The following EIF4G1 variants were observed in gnomAD, a reference collection of about 807,000 sequenced individuals.
EIF4G1 encodes eukaryotic translation initiation factor 4 gamma 1.
In EIF4G1, 4 loss-of-function variants were observed where a neutral mutation model predicts 187.8. That is an observed-to-expected ratio of 0.02 (90% confidence interval 0.01 to 0.05). The LOEUF (loss-of-function observed/expected upper bound fraction) is 0.05. EIF4G1 is among the 10% of genes least tolerant of loss of function. The pLI is 1.00. For missense variants in EIF4G1, 1,647 were observed against 2,081.1 expected (o/e 0.79, Z 4.06); for synonymous variants, 844 against 781.4 (o/e 1.08, Z -1.34).
chr3:184,333,177 G>A (rs1434177130), intron 32 of EIF4G1, among the ~76,000 whole-genome samples: 1 of 152,128 alleles, frequency 6.6e-6, no homozygotes, highest in Non-Finnish European at 1.5e-5. Flanking sequence ...TAGAAGTCAT[G>A]GATGACTCCC....
intron 10 of EIF4G1, 113 bp downstream of exon 10, chr3:184,322,216 G>A: frequency 6.4e-7 from 1 of 1,558,478 alleles, no homozygotes; most frequent in Non-Finnish European, 8.8e-7. Flanking sequence ...TGGAATCTAA[G>A]AACTAGATTA....
At position 184,327,362 on chromosome 3, in the gene EIF4G1, A is replaced by G; in HGVS notation, c.3575A>G (p.Glu1192Gly). 6.2e-7 allele frequency: 1 copy of G among 1,613,616 alleles called. No individual in the cohort carries two copies. The highest frequency in any genetic ancestry group is 8.5e-7 in the Non-Finnish European group (1 of 1,180,028). ...CGGAGCTTCAGCAAGGAAGTGGAGG[A>G]GCGGAGTAGAGAACGGCCCTCCCAG... ...TKRSFSKEVE[E>G]RSRERPSQPE... The change falls in exon 24 of 33, where the codon GAG becomes GGG. Residue 1192 changes from glutamate to glycine, a missense_variant. Glu to Gly is a moderately conservative substitution (Grantham distance 98, BLOSUM62 -2). Around this residue, in one of 11 missense-constraint regions of EIF4G1, gnomAD observed 543 missense variants for 638.0 expected, o/e 0.85. Transcript: ENST00000346169.
At chr3:184,330,684 A>C (rs1725884494) in intron 28 of EIF4G1, among the ~76,000 whole-genome samples, 3 of 151,836 alleles carry the variant, frequency 2.0e-5, no homozygotes, top group Non-Finnish European at 4.4e-5. Flanking sequence ...CCCTTACATC[A>C]TTTTTCCTAC....
chr3:184,321,198 G>A (rs1260394570), intron 9 of EIF4G1, 84 bp from the exon 10 acceptor site: 1 of 1,580,376 alleles, frequency 6.3e-7, no homozygotes, highest in Non-Finnish European at 8.7e-7. Flanking sequence ...ATTAAGTTGG[G>A]AATGCCTGGG....
intron 6 of EIF4G1, among the ~76,000 whole-genome samples, chr3:184,318,925 A>G (rs984904823): frequency 2.6e-5 from 4 of 152,040 alleles, no homozygotes; most frequent in African/African-American, 9.7e-5. Context: ...TAAAAATACA[A>G]AAATTAGGCC....
chr3:184,319,453 G>GTGTGTGTGTGTGTT (rs60445553), intron 6 of EIF4G1, among the ~76,000 whole-genome samples: 20 of 74,618 alleles, frequency 2.7e-4, no homozygotes, highest in Non-Finnish European at 4.2e-4. Context: ...GTGTGTGTGT[G>GTGTGTGTGTGTGTT]TGTGTGTGTG....
chr3:184,329,049 G>A, intron 28 of EIF4G1, 59 bp downstream of exon 28: 1 of 1,596,108 alleles, frequency 6.3e-7, no homozygotes, highest in Non-Finnish European at 8.6e-7. Flanking sequence ...GCTGTTTGCT[G>A]TGGCCCTGAA....
rs1726853873 is a variant in EIF4G1 at position 184,334,961 on chromosome 3, T to C, written c.*53T>C. ...CCCATGGACACACAGATGGCCCGGC[T>C]AGCCGCCTGGACTGCAGGGGGGCGG... is the stretch of plus-strand genomic sequence containing the variant. On this transcript the variant is annotated 3_prime_UTR_variant, in exon 33 of 33. Transcript: ENST00000346169. This position sits in a 1 kb window ranked among gnomAD's most constrained non-coding sequence, Gnocchi z 5.8. 1 of 1,609,114 alleles carries C rather than the reference T, an allele frequency of 6.2e-7. No homozygotes were observed.
chr3:184,316,050 TCTG>T, intron 3 of EIF4G1, 79 bp from the exon 4 acceptor site: 4 of 1,588,156 alleles, frequency 2.5e-6, no homozygotes, highest in Non-Finnish European at 8.6e-7. Context: ...TTGCCGCAGA[TCTG>T]CTCCCCTTAT....
In EIF4G1 at chr3:184,321,004, C is replaced by A. The variant is rs200514504; in HGVS notation, c.697+11C>A. ...TCATTGTCCGGCCAGGTAAGTAAGC[C>A]GGTGGGACGGAGCTTTTATGGGGAA... On this transcript the variant is annotated intron_variant, in intron 9 of 32. Transcript: ENST00000346169. The A allele has an allele frequency of 6.7e-4, 1,085 of 1,613,114 alleles. 2 individuals are homozygous for A. The highest frequency in any genetic ancestry group is 8.2e-4 in the Non-Finnish European group (962 of 1,179,850).
chr3:184,334,812 C>A lies in EIF4G1; in HGVS notation c.4704C>A (p.Asp1568Glu). The A allele has an allele frequency of 1.2e-6, 2 of 1,614,194 alleles. No homozygotes were observed. The highest frequency in any genetic ancestry group is 1.7e-6 in the Non-Finnish European group (2 of 1,180,026). ...DAFYSWESSK[D>E]PAEQQGKGVA... ...TCTACAGTTGGGAGAGTAGCAAGGA[C>A]CCCGCTGAGCAGCAGGGCAAGGGTG... Residue 1568 changes from aspartate (D) to glutamate (E), a missense_variant, in exon 33 of 33, where the codon GAC (aspartate) becomes GAA (glutamate). Around this residue, in one of 11 missense-constraint regions of EIF4G1, gnomAD observed 543 missense variants for 638.0 expected, o/e 0.85. Coordinates refer to ENST00000346169, the MANE Select transcript of EIF4G1 (RefSeq NM_198241.3). The surrounding 1 kb of genome is among the most constrained non-coding windows in gnomAD (Gnocchi z 5.8).
Position 184,326,861 on chromosome 3 carries a change from C to G in EIF4G1, c.3326-20C>G, listed in dbSNP as rs376947225. On this transcript the variant is annotated intron_variant, in intron 22 of 32. Transcript: ENST00000346169. ...AGGAAAGGAGAAAAAGATTTTAATA[C>G]GGATTTTCTGCATCCCCAGCATCAG... 2.5e-6 allele frequency: 4 copies of G among 1,613,452 alleles called. No homozygotes were observed. Among genetic ancestry groups the G allele is most frequent in the Admixed American group, 3.3e-5 (2 of 60,010 alleles).
rs912461425 is a variant in EIF4G1, at chr3:184,316,160, C to T, written c.89C>T (p.Pro30Leu). 2 of 1,614,040 alleles carry T rather than the reference C, an allele frequency of 1.2e-6. No individual in the cohort carries two copies. Among genetic ancestry groups the T allele is most frequent in the African/African-American group, 1.3e-5 (1 of 74,922 alleles). Residue 30 changes from proline to leucine, a missense_variant, in exon 4 of 33, where the codon CCG (proline) becomes CTG (leucine). Physicochemically the swap from Pro to Leu is moderately conservative, Grantham distance 98. Transcript: ENST00000346169. ...QPAFPPGQTA[P>L]VVFSTPQATQ... is the part of the protein sequence containing the mutation. ...GCGTTTCCCCCGGGGCAGACAGCGCCGGTGGTGTTCAGTACGCCACAAGCG... is the reference window on the plus strand; with the variant it reads ...GCGTTTCCCCCGGGGCAGACAGCGCTGGTGGTGTTCAGTACGCCACAAGCG...
chr3:184,332,198 A>G (rs1200017830), intron 32 of EIF4G1, 112 bp downstream of exon 32: 12 of 1,395,696 alleles, frequency 8.6e-6, no homozygotes, highest in Non-Finnish European at 1.2e-5. Flanking sequence ...GTCATTAGAG[A>G]GCAAAATGCC....
chr3:184,322,155 T>G (rs781440470), intron 10 of EIF4G1, 52 bp downstream of exon 10: 5 of 1,612,748 alleles, frequency 3.1e-6, no homozygotes, highest in Non-Finnish European at 4.2e-6. Context: ...ATATCGTTCC[T>G]TGCCCTCCTT....
Position 184,328,697 on chromosome 3 carries a change from A to G in EIF4G1, c.4020A>G (p.Leu1340=), listed in dbSNP as rs1725447138. 1 of 1,614,136 alleles carries G rather than the reference A, an allele frequency of 6.2e-7. No individual in the cohort carries two copies. Among genetic ancestry groups the G allele is most frequent in the South Asian group, 1.1e-5 (1 of 91,086 alleles). Residue 1340 remains leucine, a synonymous_variant, in exon 27 of 33, where the codon CTA becomes CTG. Transcript: ENST00000346169. ...ACATCCCCCACGTGTGGCTCTACCT[A>G]GCGGAACTGGTAACACCCATTCTGC... ...EIDIPHVWLY[L]AELVTPILQE...
rs370699912 is a variant in EIF4G1, at chr3:184,329,149, C to T, written c.4161+159C>T. On this transcript the variant is annotated intron_variant, in intron 28 of 32. Transcript: ENST00000346169. Reference sequence around the variant, plus strand: ...GGAAATACTGAGGTGGGCCATCTCCCGCACACCAGTTCCTATCATGAGTTC... The same window carrying T: ...GGAAATACTGAGGTGGGCCATCTCCTGCACACCAGTTCCTATCATGAGTTC... 4.8e-5 allele frequency: 39 copies of T among 814,274 alleles called. No homozygotes were observed. In the East Asian group the frequency reaches 6.2e-4, roughly 13 times the overall value. 50.4% of individuals were successfully genotyped at this position (814,274 alleles called of 1,614,324 possible).
At chr3:184,318,351 C>T (rs998340533) in intron 6 of EIF4G1, among the ~76,000 whole-genome samples, 1 of 152,170 alleles carries the variant, frequency 6.6e-6, no homozygotes, top group Non-Finnish European at 1.5e-5. Flanking sequence ...AAAGAATGTG[C>T]CCGGATCTTG....
rs1441299280 is a variant in EIF4G1, at chr3:184,334,637, G to T, written c.4619-90G>T. The stretch of plus-strand genomic sequence containing the variant: ...TGTCAGGCTGGTGCATCAGGGCCTT[G>T]TTTGAACAGTGGAACTTGGGAGGGT... On this transcript the variant is annotated intron_variant, in intron 32 of 32. Coordinates refer to ENST00000346169, the MANE Select transcript of EIF4G1 (RefSeq NM_198241.3). This position sits in a 1 kb window ranked among gnomAD's most constrained non-coding sequence, Gnocchi z 5.8. 3 of 1,532,110 alleles carry T rather than the reference G, an allele frequency of 2.0e-6. No individual in the cohort carries two copies. The African/African-American group carries it at 4.1e-5, about 21-fold the overall frequency. 94.9% of individuals were successfully genotyped at this position (1,532,110 alleles called of 1,614,324 possible).
Sources: allele counts gnomAD v4.1 joint callset (sites outside exome capture counted in the v4.1 genomes callset), GRCh38; gene constraint gnomAD v4.1.1; regional missense constraint gnomAD v4.1.1; non-coding constraint Gnocchi (gnomAD v3.1); transcripts MANE v1.5; gene names NCBI Gene and HGNC (gene_info 2026-07-23, HGNC 2026-07-21).